Variants in GRID2 observed in about 807,000 individuals in gnomAD.
GRID2 encodes glutamate receptor ionotropic, delta-2.
Under a neutral mutation model 114.8 loss-of-function variants are expected in GRID2, and 33 were observed. The ratio of observed to expected loss-of-function variants is 0.29; its 90% confidence interval spans 0.22 to 0.38. The LOEUF is 0.38. Ranked by LOEUF, GRID2 falls within the 10% of genes least tolerant of loss-of-function variation. The pLI is 1.00. For missense variants in GRID2, 1,184 were observed against 1,257.7 expected (o/e 0.94, Z 0.89); for synonymous variants, 505 against 449.9 (o/e 1.12, Z -1.55).
At chr4:92,402,416 A>G (rs1018364937) in intron 1 of GRID2, among the ~76,000 whole-genome samples, 4 of 152,170 alleles carry the variant, frequency 2.6e-5, no homozygotes, top group African/African-American at 9.6e-5. Flanking sequence ...GTATCACCTT[A>G]TGAAATGTAT....
chr4:93,282,610 A>G (rs1052078918), intron 8 of GRID2, among the ~76,000 whole-genome samples: 11 of 152,072 alleles, frequency 7.2e-5, no homozygotes, highest in Admixed American at 7.2e-4. Context: ...CCTCTTGAAC[A>G]TCCCACCTCT....
At chr4:92,890,792 T>C (rs1469077973) in intron 2 of GRID2, among the ~76,000 whole-genome samples, 1 of 152,230 alleles carries the variant, frequency 6.6e-6, no homozygotes, top group Non-Finnish European at 1.5e-5. Context: ...TAAGTCATTC[T>C]ACTATAAAGA....
At chr4:92,644,659 A>G (rs946451730) in intron 2 of GRID2, among the ~76,000 whole-genome samples, 1 of 151,674 alleles carries the variant, frequency 6.6e-6, no homozygotes, top group Non-Finnish European at 1.5e-5. Context: ...CCTGTTTGTC[A>G]TTTTAGAATT....
chr4:93,659,445 G>A (rs986493480), intron 14 of GRID2, among the ~76,000 whole-genome samples: 3 of 152,016 alleles, frequency 2.0e-5, no homozygotes, highest in Admixed American at 6.6e-5. Flanking sequence ...TTTTGGTTAT[G>A]TTCATCATAT....
chr4:92,403,590 G>A (rs1440516173), intron 1 of GRID2, among the ~76,000 whole-genome samples: 1 of 151,878 alleles, frequency 6.6e-6, no homozygotes, highest in Non-Finnish European at 1.5e-5. Context: ...TACTCAGGAG[G>A]CTGAGACAGG....
chr4:92,442,952 A>T (rs1439495140), intron 1 of GRID2, among the ~76,000 whole-genome samples: 1 of 152,060 alleles, frequency 6.6e-6, no homozygotes, highest in African/African-American at 2.4e-5. Flanking sequence ...TGATAAAAAG[A>T]TTATAGGGTG....
chr4:93,493,538 CT>C (rs11352364), intron 12 of GRID2, among the ~76,000 whole-genome samples: 39,561 of 148,502 alleles, frequency 0.27, 5,563 homozygotes, highest in East Asian at 0.43. Flanking sequence ...CTGTCAAATT[CT>C]TTTTTTTTTC....
chr4:93,534,396 G>A (rs773458064), intron 13 of GRID2, among the ~76,000 whole-genome samples: 20 of 151,956 alleles, frequency 1.3e-4, no homozygotes, highest in Non-Finnish European at 2.4e-4. Context: ...CTACCACCTT[G>A]TATAGCCATC....
intron 12 of GRID2, among the ~76,000 whole-genome samples, chr4:93,501,003 A>G (rs749636311): frequency 3.2e-4 from 48 of 151,984 alleles, no homozygotes; most frequent in Non-Finnish European, 6.6e-4. Context: ...ATTAAAATGC[A>G]TATTCTTGAG....
intron 1 of GRID2, among the ~76,000 whole-genome samples, chr4:92,505,590 G>A (rs902668372): frequency 1.3e-5 from 2 of 151,886 alleles, no homozygotes; most frequent in Non-Finnish European, 2.9e-5. Flanking sequence ...GTTAGAGTCT[G>A]GAAAACAGTA....
intron 8 of GRID2, among the ~76,000 whole-genome samples, chr4:93,249,092 C>T (rs1213199233): frequency 1.3e-5 from 2 of 152,196 alleles, no homozygotes; most frequent in Non-Finnish European, 2.9e-5. Flanking sequence ...CTGCATATGG[C>T]TAGCCAGTTT....
chr4:92,752,119 A>T (rs1317862247), intron 2 of GRID2, among the ~76,000 whole-genome samples: 1 of 152,208 alleles, frequency 6.6e-6, no homozygotes, highest in Non-Finnish European at 1.5e-5. Context: ...TTCTGAGAGA[A>T]GTGGTGAATA....
At chr4:92,393,703 G>A (rs1730359796) in intron 1 of GRID2, among the ~76,000 whole-genome samples, 1 of 151,994 alleles carries the variant, frequency 6.6e-6, no homozygotes, top group African/African-American at 2.4e-5. Flanking sequence ...TTAGTTTTGG[G>A]GAAACTTACC....
chr4:93,622,394 G>A (rs1742292160), intron 13 of GRID2, among the ~76,000 whole-genome samples: 1 of 152,104 alleles, frequency 6.6e-6, no homozygotes, highest in African/African-American at 2.4e-5. Context: ...TAATAAAAAA[G>A]TGGTGTGCAT....
chr4:93,594,754 G>T (rs1050850038), intron 13 of GRID2, among the ~76,000 whole-genome samples: 26 of 152,162 alleles, frequency 1.7e-4, no homozygotes, highest in Non-Finnish European at 3.8e-4. Context: ...ATAATCTCGT[G>T]GTGCGCCGTT....
At chr4:93,572,356 G>T (rs948451343) in intron 13 of GRID2, among the ~76,000 whole-genome samples, 8 of 152,082 alleles carry the variant, frequency 5.3e-5, no homozygotes, top group African/African-American at 1.7e-4. Flanking sequence ...ATATGCTCTA[G>T]TATTTTGCAC....
chr4:92,471,047 A>G (rs1430532591), intron 1 of GRID2, among the ~76,000 whole-genome samples: 2 of 152,042 alleles, frequency 1.3e-5, no homozygotes, highest in Non-Finnish European at 2.9e-5. Flanking sequence ...GGTAAATATA[A>G]TGGTGAGGTC....
chr4:92,331,815 A>G (rs1726904014), intron 1 of GRID2, among the ~76,000 whole-genome samples: 1 of 152,216 alleles, frequency 6.6e-6, no homozygotes, highest in African/African-American at 2.4e-5. Flanking sequence ...TGAGGTATTT[A>G]CAAATCTAAC....
intron 14 of GRID2, among the ~76,000 whole-genome samples, chr4:93,655,448 C>T (rs564313377): frequency 2.6e-4 from 40 of 152,032 alleles, no homozygotes; most frequent in African/African-American, 9.2e-4. Flanking sequence ...AACAGATCCA[C>T]TGTTTGGAAA....
Sources: gnomAD v4.1 joint callset for allele counts (sites outside exome capture counted in the v4.1 genomes callset) on GRCh38, gnomAD v4.1.1 for gene constraint, MANE v1.5 for transcripts, NCBI Gene and HGNC (gene_info 2026-07-23, HGNC 2026-07-21) for gene names.